Variants in CRADD observed in about 807,000 individuals in gnomAD.
The protein encoded by CRADD is CARD and death domain containing adaptor protein, also known as death domain-containing protein CRADD.
Under a neutral mutation model 15.5 loss-of-function variants are expected in CRADD, and 9 were observed. That is an observed-to-expected ratio of 0.58 (90% CI 0.35 to 1.01). The LOEUF is 1.01. CRADD is among the 50% of genes least tolerant of loss of function. The pLI, the probability that CRADD is intolerant of heterozygous loss-of-function variation, is 0.02. For synonymous variants in CRADD, 118 were observed against 107.6 expected (o/e 1.10, Z -0.60); for missense variants, 227 against 250.3 (o/e 0.91, Z 0.63).
intron 2 of CRADD, among the ~76,000 whole-genome samples, chr12:93,841,080 T>C (rs1958041656): frequency 6.6e-6 from 1 of 152,188 alleles, no homozygotes; most frequent in Admixed American, 6.5e-5. Flanking sequence ...TTTTTCTGCA[T>C]CTATTAAGAT....
intron 2 of CRADD, among the ~76,000 whole-genome samples, chr12:93,893,594 G>A (rs1416169910): frequency 6.6e-6 from 1 of 152,122 alleles, no homozygotes; most frequent in Non-Finnish European, 1.5e-5. Flanking sequence ...ATTCTTCAAA[G>A]GGAGCCATGT....
chr12:93,831,548 G>C lies in CRADD; in HGVS notation c.299-18422G>C, dbSNP rs115624435. On this transcript the variant is annotated intron_variant, in intron 2 of 2. Transcript: ENST00000332896. ...AGTTTTGCATTATGTGCAGCTGCAC[G>C]GGGAATGCAGCTGCTACCCAAAATG... 6.2e-3 allele frequency among the ~76,000 whole-genome samples: 950 copies of C among 152,276 alleles called. 9 individuals carry two copies. Among genetic ancestry groups the C allele is most frequent in the African/African-American group, 0.022 (913 of 41,532 alleles).
intron 2 of CRADD, among the ~76,000 whole-genome samples, chr12:93,690,140 A>T (rs191081766): frequency 6.4e-4 from 97 of 152,342 alleles, no homozygotes; most frequent in Non-Finnish European, 1.5e-4. Flanking sequence ...GTCATCTTCA[A>T]TCAAGTTTCT....
At chr12:93,888,987 G>GTACA in intron 2 of CRADD, among the ~76,000 whole-genome samples, 1 of 152,288 alleles carries the variant, frequency 6.6e-6, no homozygotes, top group South Asian at 2.1e-4. Flanking sequence ...GAGTGGTGGG[G>GTACA]TACAGCCAAG....
At chr12:93,744,274 T>C (rs180801600) in intron 2 of CRADD, among the ~76,000 whole-genome samples, 1 of 152,290 alleles carries the variant, frequency 6.6e-6, no homozygotes, top group African/African-American at 2.4e-5. Context: ...TAGTTCCATG[T>C]GGTAGTTGTA....
chr12:93,858,336 G>A (rs75060121), intron 2 of CRADD, among the ~76,000 whole-genome samples: 4,207 of 152,332 alleles, frequency 0.028, 89 homozygotes, highest in Non-Finnish European at 0.044. Context: ...AGTCTTATGG[G>A]AGCATGACGA....
At chr12:93,878,472 A>T (rs1393956693) in intron 2 of CRADD, among the ~76,000 whole-genome samples, 1 of 151,618 alleles carries the variant, frequency 6.6e-6, no homozygotes, top group Non-Finnish European at 1.5e-5. Context: ...TGATGTCAGC[A>T]CTCCCTTGGC....
At chr12:93,812,724 G>A (rs1047659751) in intron 2 of CRADD, among the ~76,000 whole-genome samples, 2 of 152,188 alleles carry the variant, frequency 1.3e-5, no homozygotes, top group African/African-American at 4.8e-5. Flanking sequence ...GGCCTATCTT[G>A]TGCAAAGTTA....
intron 2 of CRADD, among the ~76,000 whole-genome samples, chr12:93,729,881 A>G (rs1956434584): frequency 1.3e-5 from 2 of 152,172 alleles, no homozygotes; most frequent in South Asian, 4.1e-4. Flanking sequence ...AATGTTGGCT[A>G]TATATATAGT....
chr12:93,867,609 G>A (rs1210399162), intron 2 of CRADD, among the ~76,000 whole-genome samples: 2 of 151,954 alleles, frequency 1.3e-5, no homozygotes, highest in Non-Finnish European at 2.9e-5. Flanking sequence ...AACTGAAATT[G>A]TAGTGACCTA....
At chr12:93,842,937 A>T (rs1209600530) in intron 2 of CRADD, among the ~76,000 whole-genome samples, 1 of 152,134 alleles carries the variant, frequency 6.6e-6, no homozygotes, top group African/African-American at 2.4e-5. Context: ...TTCACTGAGA[A>T]TGGGATTAAA....
chr12:93,887,497 T>C (rs1958546400), intron 2 of CRADD, among the ~76,000 whole-genome samples: 2 of 152,246 alleles, frequency 1.3e-5, no homozygotes, highest in African/African-American at 2.4e-5. Flanking sequence ...CGAAGGAGAC[T>C]GTGTTTCACA....
Position 93,856,744 on chromosome 12 carries a change from G to A in CRADD, c.299-37306G>A, listed in dbSNP as rs566867840. The stretch of plus-strand genomic sequence containing the variant: ...AGATGACAGTGACATTGAGAAACAT[G>A]TGGTTTGTTAATCCACAGTGGGATC... On this transcript the variant is annotated intron_variant, in intron 2 of 2. Coordinates refer to the CRADD transcript ENST00000548483. 3.9e-5 allele frequency among the ~76,000 whole-genome samples: 6 copies of A among 152,070 alleles called. No homozygotes were observed. The South Asian group carries it at 1.3e-3, about 33-fold the overall frequency.
chr12:93,808,798 C>T (rs1957580939), intron 2 of CRADD, among the ~76,000 whole-genome samples: 1 of 152,160 alleles, frequency 6.6e-6, no homozygotes, highest in African/African-American at 2.4e-5. Flanking sequence ...CCCTGCCTTC[C>T]TCAGACTGAC....
intron 2 of CRADD, among the ~76,000 whole-genome samples, chr12:93,726,848 CAA>C (rs1402431819): frequency 1.3e-5 from 2 of 152,064 alleles, no homozygotes; most frequent in African/African-American, 4.8e-5. Flanking sequence ...GCACTGTTGT[CAA>C]AGACATTGGA....
intron 2 of CRADD, among the ~76,000 whole-genome samples, chr12:93,878,542 C>T (rs1958473053): frequency 6.6e-6 from 1 of 152,188 alleles, no homozygotes. Context: ...CTCTTTAGGC[C>T]TTGTTCAGCA....
chr12:93,862,806 T>C (rs1194802568), intron 2 of CRADD, among the ~76,000 whole-genome samples: 2 of 152,174 alleles, frequency 1.3e-5, no homozygotes, highest in Non-Finnish European at 2.9e-5. Context: ...TATTAACATC[T>C]TTGGAAAGAT....
intron 2 of CRADD, among the ~76,000 whole-genome samples, chr12:93,713,843 A>G (rs1956116860): frequency 1.3e-5 from 2 of 152,212 alleles, no homozygotes; most frequent in Admixed American, 1.3e-4. Context: ...CATAAAATAT[A>G]TTAAAATTAA....
intron 2 of CRADD, among the ~76,000 whole-genome samples, chr12:93,749,825 C>A (rs978009135): frequency 6.6e-6 from 1 of 152,144 alleles, no homozygotes; most frequent in African/African-American, 2.4e-5. Context: ...GTGATAGACT[C>A]TTTTTGTGTT....
Sources: gnomAD v4.1 joint callset for allele counts (sites outside exome capture counted in the v4.1 genomes callset) on GRCh38, gnomAD v4.1.1 for gene constraint, MANE v1.5 for transcripts, NCBI Gene and HGNC (gene_info 2026-07-23, HGNC 2026-07-21) for gene names.